Variants in DOCK4 observed in about 807,000 individuals in gnomAD.
DOCK4 encodes the protein dedicator of cytokinesis protein 4.
DOCK4 carries 97 observed loss-of-function variants against 268.1 expected under a neutral mutation model. The ratio of observed to expected loss-of-function variants is 0.36; its 90% CI spans 0.31 to 0.43. The LOEUF (loss-of-function observed/expected upper bound fraction) is 0.43. Among genes scored for constraint, DOCK4 ranks in the 20% least tolerant of loss-of-function variants. The pLI, the probability that DOCK4 is intolerant of heterozygous loss-of-function variation, is 1.00. For synonymous variants in DOCK4, 954 were observed against 887.2 expected, an observed-to-expected ratio of 1.08 and a Z score of -1.34; for missense variants, 2,145 against 2,455.7, an observed-to-expected ratio of 0.87 and a Z score of 2.67.
chr7:111,905,199 G>A (rs1423971824), intron 13 of DOCK4, among the ~76,000 whole-genome samples: 6 of 152,198 alleles, frequency 3.9e-5, no homozygotes, highest in Non-Finnish European at 8.8e-5. Context: ...GAAAACTCAT[G>A]AGTCCAAATG....
intron 16 of DOCK4, among the ~76,000 whole-genome samples, chr7:111,895,094 C>T (rs1808632597): frequency 6.6e-6 from 1 of 152,124 alleles, no homozygotes; most frequent in Non-Finnish European, 1.5e-5. Context: ...CCTTTGCAAG[C>T]TTTCTTTTGT....
chr7:111,755,811 A>T (rs189238158), intron 41 of DOCK4, among the ~76,000 whole-genome samples: 83 of 152,304 alleles, frequency 5.4e-4, no homozygotes, highest in Non-Finnish European at 1.1e-3. Flanking sequence ...ACTTTTTTCC[A>T]TGTGGAATAA....
chr7:111,913,568 C>A (rs1792320698), intron 13 of DOCK4, among the ~76,000 whole-genome samples: 1 of 151,846 alleles, frequency 6.6e-6, no homozygotes, highest in Admixed American at 6.6e-5. Context: ...CGCCACCACG[C>A]CCGGCTAATT....
At chr7:112,063,057 A>G (rs1806579873) in intron 1 of DOCK4, among the ~76,000 whole-genome samples, 1 of 152,220 alleles carries the variant, frequency 6.6e-6, no homozygotes, top group African/African-American at 2.4e-5. Context: ...AAGAGAGAGA[A>G]GTTATAAGCA....
chr7:111,817,051 A>G (rs944565343), intron 27 of DOCK4, among the ~76,000 whole-genome samples: 1 of 152,322 alleles, frequency 6.6e-6, no homozygotes, highest in Admixed American at 6.5e-5. Flanking sequence ...AAAATCACTC[A>G]TATGGCAATA....
chr7:112,051,396 A>G (rs1805342420), intron 1 of DOCK4, among the ~76,000 whole-genome samples: 1 of 152,100 alleles, frequency 6.6e-6, no homozygotes, highest in Non-Finnish European at 1.5e-5. Context: ...CTGCATATAC[A>G]TTAGTTATAC....
intron 1 of DOCK4, among the ~76,000 whole-genome samples, chr7:112,072,232 G>GAA (rs10645593): frequency 0.48 from 73,478 of 151,556 alleles, 18,893 homozygotes; most frequent in African/African-American, 0.67. Flanking sequence ...CTCACATGTG[G>GAA]AAAAAAAATC....
intron 6 of DOCK4, among the ~76,000 whole-genome samples, chr7:111,988,153 T>C (rs2135205872): frequency 6.6e-6 from 1 of 152,326 alleles, no homozygotes; most frequent in African/African-American, 2.4e-5. Context: ...CTGTCTGCTT[T>C]CCTTTTTTTT....
chr7:111,801,374 T>C (rs1011813425), intron 30 of DOCK4, among the ~76,000 whole-genome samples: 2 of 152,204 alleles, frequency 1.3e-5, no homozygotes, highest in African/African-American at 4.8e-5. Context: ...AGGGAGCTGT[T>C]TTCTTCTTTC....
intron 12 of DOCK4, among the ~76,000 whole-genome samples, chr7:111,925,508 T>C (rs962508031): frequency 1.3e-5 from 2 of 152,132 alleles, no homozygotes; most frequent in Admixed American, 6.6e-5. Context: ...GAGACTGGTG[T>C]GTACAAATGA....
intron 1 of DOCK4, among the ~76,000 whole-genome samples, chr7:112,052,024 T>A (rs1176391574): frequency 6.6e-6 from 1 of 152,156 alleles, no homozygotes; most frequent in African/African-American, 2.4e-5. Flanking sequence ...CAGTTCCTTA[T>A]ATAAAATGGT....
At chr7:112,161,810 A>G (rs1817155688) in intron 1 of DOCK4, among the ~76,000 whole-genome samples, 1 of 152,202 alleles carries the variant, frequency 6.6e-6, no homozygotes, top group African/African-American at 2.4e-5. Flanking sequence ...ACAAAACTGG[A>G]GAACCTTTAT....
At chr7:111,861,154 A>G (rs944619162) in intron 23 of DOCK4, among the ~76,000 whole-genome samples, 5 of 151,964 alleles carry the variant, frequency 3.3e-5, no homozygotes, top group African/African-American at 1.2e-4. Context: ...CCTGTTCCCA[A>G]CCCCGGAGAG....
intron 42 of DOCK4, among the ~76,000 whole-genome samples, chr7:111,752,920 C>CT (rs954429524): frequency 2.9e-5 from 4 of 140,146 alleles, no homozygotes; most frequent in East Asian, 2.2e-4. Flanking sequence ...GACAAAAACA[C>CT]TTTTTTTGGG....
intron 52 of DOCK4, among the ~76,000 whole-genome samples, chr7:111,731,859 A>AGT (rs552407724): frequency 0.37 from 55,916 of 151,480 alleles, 11,246 homozygotes; most frequent in African/African-American, 0.52. Context: ...TCTCAATCTA[A>AGT]GTGTGTGTGT....
At chr7:111,846,660 G>T (rs1441020873) in intron 24 of DOCK4, among the ~76,000 whole-genome samples, 1 of 151,800 alleles carries the variant, frequency 6.6e-6, no homozygotes, top group African/African-American at 2.4e-5. Flanking sequence ...GATCAAAAAC[G>T]ACTTCATGTT....
At chr7:111,862,438 CA>C (rs1254358608) in intron 23 of DOCK4, among the ~76,000 whole-genome samples, 5 of 146,686 alleles carry the variant, frequency 3.4e-5, no homozygotes, top group African/African-American at 5.0e-5. Context: ...AAAACTATTT[CA>C]AAAAAATCAT....
intron 1 of DOCK4, among the ~76,000 whole-genome samples, chr7:112,101,085 CA>C (rs1810636807): frequency 6.6e-6 from 1 of 152,114 alleles, no homozygotes; most frequent in Non-Finnish European, 1.5e-5. Flanking sequence ...AGGGGGGACA[CA>C]TAGAGTGAGA....
At chr7:111,882,512 G>A (rs868750868) in intron 16 of DOCK4, among the ~76,000 whole-genome samples, 7 of 152,094 alleles carry the variant, frequency 4.6e-5, no homozygotes, top group Admixed American at 2.0e-4. Context: ...TTATTCTTTC[G>A]AATTTGTTCA....
Sources: allele counts gnomAD v4.1 joint callset (sites outside exome capture counted in the v4.1 genomes callset), GRCh38; gene constraint gnomAD v4.1.1; transcripts MANE v1.5; gene names NCBI Gene and HGNC (gene_info 2026-07-23, HGNC 2026-07-21).